CTNND2: variants seen among roughly 807,000 people sequenced by gnomAD.
CTNND2 encodes the protein catenin delta-2.
CTNND2 carries 22 observed loss-of-function variants against 144.4 expected under a neutral mutation model. The observed-to-expected ratio is 0.15, with a 90% confidence interval of 0.11 to 0.22. The LOEUF (loss-of-function observed/expected upper bound fraction) is 0.22. CTNND2 is among the 10% of genes least tolerant of loss of function. The pLI is 1.00. For synonymous variants in CTNND2, 751 were observed against 695.6 expected (o/e 1.08, Z -1.25); for missense variants, 1,353 against 1,618.8 (o/e 0.84, Z 2.82).
At chr5:11,748,668 T>C (rs1788447482) in intron 1 of CTNND2, among the ~76,000 whole-genome samples, 1 of 152,100 alleles carries the variant, frequency 6.6e-6, no homozygotes, top group African/African-American at 2.4e-5. Flanking sequence ...CAGATATTGT[T>C]CCCTTTTTAA....
intron 18 of CTNND2, among the ~76,000 whole-genome samples, chr5:11,007,517 A>G (rs2149520163): frequency 6.6e-6 from 1 of 152,356 alleles, no homozygotes; most frequent in South Asian, 2.1e-4. Flanking sequence ...CATCTGAGAC[A>G]GTTCCACATT....
At chr5:11,741,111 C>T (rs772187305) in intron 1 of CTNND2, among the ~76,000 whole-genome samples, 1 of 152,176 alleles carries the variant, frequency 6.6e-6, no homozygotes, top group Non-Finnish European at 1.5e-5. Context: ...TGCTTTTACA[C>T]TGTTGGTGGG....
At chr5:11,467,673 C>T (rs1413792485) in intron 3 of CTNND2, among the ~76,000 whole-genome samples, 1 of 152,078 alleles carries the variant, frequency 6.6e-6, no homozygotes, top group Non-Finnish European at 1.5e-5. Flanking sequence ...CTGGGGGTAA[C>T]ATTTTACTTA....
At chr5:11,660,475 T>C (rs769195014) in intron 2 of CTNND2, among the ~76,000 whole-genome samples, 3 of 152,086 alleles carry the variant, frequency 2.0e-5, no homozygotes, top group Admixed American at 6.6e-5. Flanking sequence ...AGAGGAGATG[T>C]CCAGATGGAA....
intron 1 of CTNND2, among the ~76,000 whole-genome samples, chr5:11,839,207 C>A (rs1341701483): frequency 6.6e-6 from 1 of 151,770 alleles, no homozygotes; most frequent in Non-Finnish European, 1.5e-5. Flanking sequence ...TGGGGTCATA[C>A]AATTGGTGAT....
rs562559241 is a variant in CTNND2, at chr5:11,317,533, A to G, written c.1628+28839T>C. On this transcript the variant is annotated intron_variant, in intron 9 of 21. Coordinates refer to ENST00000304623, the MANE Select transcript of CTNND2 (RefSeq NM_001332.4). ...CTTATAAACCTTTAGGTGTCCCACTATGGTACTTTGTCCACTGAAAGTATA... is the reference window on the plus strand; with the variant it reads ...CTTATAAACCTTTAGGTGTCCCACTGTGGTACTTTGTCCACTGAAAGTATA... Among the ~76,000 whole-genome samples, 18 of 152,292 alleles carry G rather than the reference A, an allele frequency of 1.2e-4. No individual in the cohort carries two copies. In the South Asian group the frequency reaches 3.7e-3, roughly 32 times the overall value.
intron 21 of CTNND2, among the ~76,000 whole-genome samples, chr5:10,974,482 T>G (rs1355899196): frequency 6.6e-6 from 1 of 152,248 alleles, no homozygotes; most frequent in Non-Finnish European, 1.5e-5. Context: ...TTTTTACCTT[T>G]TAGCTGCTGT....
At chr5:11,071,343 G>C (rs558058443) in intron 16 of CTNND2, among the ~76,000 whole-genome samples, 1 of 152,156 alleles carries the variant, frequency 6.6e-6, no homozygotes, top group Non-Finnish European at 1.5e-5. Context: ...TTCAAGACCA[G>C]TCTGGCCAGC....
chr5:11,555,941 A>C (rs774059480), intron 3 of CTNND2, among the ~76,000 whole-genome samples: 4 of 152,168 alleles, frequency 2.6e-5, no homozygotes, highest in Non-Finnish European at 5.9e-5. Flanking sequence ...TTTGTAGTGA[A>C]GCAGACACTC....
intron 15 of CTNND2, among the ~76,000 whole-genome samples, chr5:11,085,634 G>A (rs1356277796): frequency 6.6e-6 from 1 of 152,208 alleles, no homozygotes; most frequent in Non-Finnish European, 1.5e-5. Context: ...ACAGATCCAG[G>A]TAAAAGATGG....
intron 16 of CTNND2, among the ~76,000 whole-genome samples, chr5:11,051,237 T>C (rs879750564): frequency 6.6e-6 from 1 of 152,234 alleles, no homozygotes; most frequent in Admixed American, 6.5e-5. Context: ...TGGGTATGGG[T>C]ACCTATGAAG....
chr5:11,448,504 C>CTG (rs572197021), intron 3 of CTNND2, among the ~76,000 whole-genome samples: 38 of 151,472 alleles, frequency 2.5e-4, no homozygotes, highest in Middle Eastern at 3.4e-3. Context: ...TATTGTCTGT[C>CTG]TGTGTGTGTG....
intron 2 of CTNND2, among the ~76,000 whole-genome samples, chr5:11,613,779 C>G (rs1470568167): frequency 2.0e-5 from 3 of 152,132 alleles, no homozygotes; most frequent in Non-Finnish European, 4.4e-5. Context: ...AGAATTAGGC[C>G]TTAATCTGTG....
chr5:11,169,889 G>A (rs1392467551), intron 11 of CTNND2, among the ~76,000 whole-genome samples: 2 of 151,626 alleles, frequency 1.3e-5, no homozygotes, highest in Non-Finnish European at 2.9e-5. Context: ...AGAGTAAAAA[G>A]AGCAACAGCT....
At chr5:10,993,180 C>G (rs1172033762) in intron 18 of CTNND2, among the ~76,000 whole-genome samples, 1 of 152,144 alleles carries the variant, frequency 6.6e-6, no homozygotes, top group African/African-American at 2.4e-5. Flanking sequence ...AATGCCCACC[C>G]TCGCCTGTCT....
intron 16 of CTNND2, among the ~76,000 whole-genome samples, chr5:11,043,592 C>T (rs1196106741): frequency 6.6e-6 from 1 of 151,910 alleles, no homozygotes; most frequent in East Asian, 1.9e-4. Context: ...AAAACAGAAG[C>T]AAAAAATGAG....
At chr5:11,489,871 C>T (rs1203182563) in intron 3 of CTNND2, among the ~76,000 whole-genome samples, 1 of 152,126 alleles carries the variant, frequency 6.6e-6, no homozygotes, top group Non-Finnish European at 1.5e-5. Flanking sequence ...CGTACGAGAT[C>T]GTCTCTGTGA....
intron 3 of CTNND2, among the ~76,000 whole-genome samples, chr5:11,468,309 C>A (rs1322796552): frequency 6.6e-6 from 1 of 152,118 alleles, no homozygotes; most frequent in Non-Finnish European, 1.5e-5. Context: ...AGCAAGAGGA[C>A]AAAAGTGACT....
chr5:11,841,861 T>C (rs1394603886), intron 1 of CTNND2, among the ~76,000 whole-genome samples: 1 of 151,342 alleles, frequency 6.6e-6, no homozygotes, highest in Non-Finnish European at 1.5e-5. Flanking sequence ...TCATCTAGTA[T>C]CCATCCAATT....
Sources: gnomAD v4.1 joint callset for allele counts (sites outside exome capture counted in the v4.1 genomes callset) on GRCh38, gnomAD v4.1.1 for gene constraint, MANE v1.5 for transcripts, NCBI Gene and HGNC (gene_info 2026-07-23, HGNC 2026-07-21) for gene names.